The following XRN1 variants were observed in gnomAD, a reference collection of about 807,000 sequenced individuals.
XRN1 encodes the protein strand-exchange protein 1 homolog.
XRN1 carries 67 observed loss-of-function variants against 222.3 expected under a neutral mutation model. The ratio of observed to expected loss-of-function variants is 0.30; its 90% CI spans 0.25 to 0.37. The LOEUF (loss-of-function observed/expected upper bound fraction) is 0.37, where lower values mean the gene tolerates loss of function less well. Among genes scored for constraint, XRN1 ranks in the 10% least tolerant of loss-of-function variants. XRN1 has a pLI of 1.00. For synonymous variants in XRN1, 643 were observed against 652.4 expected, an observed-to-expected ratio of 0.99 and a Z score of 0.22; for missense variants, 1,707 against 2,000.2, an observed-to-expected ratio of 0.85 and a Z score of 2.80.
intron 25 of XRN1, among the ~76,000 whole-genome samples, chr3:142,374,842 G>A (rs2067092713): frequency 6.6e-6 from 1 of 152,144 alleles, no homozygotes; most frequent in African/African-American, 2.4e-5. Flanking sequence ...TTGGAAATAG[G>A]GTTTTTAGTA....
intron 2 of XRN1, among the ~76,000 whole-genome samples, chr3:142,427,624 TA>T (rs1300408321): frequency 6.6e-6 from 1 of 152,192 alleles, no homozygotes; most frequent in Non-Finnish European, 1.5e-5. Flanking sequence ...TTGTGTTTCC[TA>T]AAAACATTTA....
At chr3:142,337,638 T>C (rs1049747906) in intron 33 of XRN1, among the ~76,000 whole-genome samples, 2 of 152,100 alleles carry the variant, frequency 1.3e-5, no homozygotes, top group African/African-American at 4.8e-5. Flanking sequence ...CTGAAGAAAT[T>C]TAAAGAGTAT....
intron 1 of XRN1, among the ~76,000 whole-genome samples, chr3:142,443,582 C>G (rs1431487178): frequency 2.0e-5 from 3 of 152,214 alleles, no homozygotes; most frequent in East Asian, 3.9e-4. Flanking sequence ...ACAGCAACCC[C>G]CTTCGGGTCC....
At chr3:142,376,180 AT>A (rs2067138679) in intron 24 of XRN1, 3 of 716,792 alleles carry the variant, frequency 4.2e-6, no homozygotes, top group Middle Eastern at 4.2e-4. Context: ...AAATTATGTA[AT>A]TATAGAGGAA....
At position 142,425,122 on chromosome 3, in the gene XRN1, A is replaced by G. The variant is rs1577416812; in HGVS notation, c.627+100T>C. On this transcript the variant is annotated intron_variant, in intron 5 of 40. Coordinates refer to ENST00000392981, the MANE Select transcript of XRN1 (RefSeq NM_001282857.2). ...AGTAGCAATCATTATTGTGTCTCCA[A>G]TATTTGTTGCCACAGCCAGTAAGCT... 14 of 783,010 alleles carry G rather than the reference A, an allele frequency of 1.8e-5. No individual in the cohort carries two copies. In the East Asian group the frequency reaches 3.5e-4, roughly 20 times the overall value. 48.5% of individuals were successfully genotyped at this position (783,010 alleles called of 1,614,324 possible).
chr3:142,443,427 T>G (rs989449168), intron 1 of XRN1, among the ~76,000 whole-genome samples: 1 of 148,930 alleles, frequency 6.7e-6, no homozygotes. Flanking sequence ...GGCTTGCAAC[T>G]TAGCTCACAC....
At chr3:142,329,147 C>T (rs2065617427) in intron 37 of XRN1, among the ~76,000 whole-genome samples, 1 of 151,964 alleles carries the variant, frequency 6.6e-6, no homozygotes, top group Admixed American at 6.6e-5. Context: ...TGTGAAGTTT[C>T]TGAGACCAAA....
intron 16 of XRN1, among the ~76,000 whole-genome samples, chr3:142,404,264 AAC>A (rs1397268722): frequency 6.6e-6 from 1 of 152,152 alleles, no homozygotes; most frequent in African/African-American, 2.4e-5. Context: ...TATGACACAT[AAC>A]ACAAATCTCT....
intron 39 of XRN1, 115 bp from the exon 40 acceptor site, chr3:142,312,873 G>T: frequency 9.1e-7 from 1 of 1,097,426 alleles, no homozygotes; most frequent in Non-Finnish European, 1.3e-6. Context: ...TTTGGCAAAA[G>T]GCCTACACTT....
Position 142,365,136 on chromosome 3 carries a change from T to C in XRN1, c.3305A>G (p.Glu1102Gly), listed in dbSNP as rs746872760. ...TACAACACGGTCAAAAAGACAAAAT[T>C]CTGCATCCCGATCAGGAATGACTCC... is the stretch of plus-strand genomic sequence containing the variant. ...QHGVIPDRDAEFCLFDRVVNV... is the reference protein window; with the variant it reads ...QHGVIPDRDAGFCLFDRVVNV... The change falls in exon 29 of 41, where the codon GAA becomes GGA. Residue 1102 changes from glutamate to glycine, a missense_variant. Physicochemically the swap from Glu to Gly is moderately conservative, Grantham distance 98. This residue lies in a region of XRN1 where 1,234 missense variants were observed against 1,518.2 expected (regional missense o/e 0.81). Coordinates refer to ENST00000392981, the MANE Select transcript of XRN1 (RefSeq NM_001282857.2). The C allele has an allele frequency of 2.7e-5, 43 of 1,613,244 alleles. No individual in the cohort carries two copies. The Middle Eastern group carries it at 4.9e-4, about 19-fold the overall frequency.
intron 19 of XRN1, among the ~76,000 whole-genome samples, chr3:142,399,945 GAAAT>G (rs1346051571): frequency 1.3e-5 from 2 of 151,554 alleles, no homozygotes; most frequent in Non-Finnish European, 2.9e-5. Flanking sequence ...AAATTTATAT[GAAAT>G]AATAAAAAAA....
chr3:142,317,026 G>T (rs2065229931), intron 39 of XRN1, among the ~76,000 whole-genome samples: 1 of 152,148 alleles, frequency 6.6e-6, no homozygotes, highest in African/African-American at 2.4e-5. Flanking sequence ...CTGCCTCAGG[G>T]TTTTGAGGTA....
chr3:142,318,116 A>C (rs192267595), intron 39 of XRN1, among the ~76,000 whole-genome samples: 182 of 152,308 alleles, frequency 1.2e-3, no homozygotes, highest in African/African-American at 4.2e-3. Flanking sequence ...GATTTTCTAA[A>C]CTTAAATAAA....
At chr3:142,437,529 G>C (rs2069968822) in intron 1 of XRN1, among the ~76,000 whole-genome samples, 1 of 152,152 alleles carries the variant, frequency 6.6e-6, no homozygotes, top group South Asian at 2.1e-4. Context: ...TGCATGATTT[G>C]GCTGCTATTT....
intron 1 of XRN1, among the ~76,000 whole-genome samples, chr3:142,442,984 C>T (rs929940628): frequency 1.3e-5 from 2 of 152,158 alleles, no homozygotes; most frequent in East Asian, 1.9e-4. Context: ...CCACCCGCCT[C>T]GGCCTCCCAA....
In XRN1 at chr3:142,376,649, G is replaced by A. The variant is rs182712176; in HGVS notation, c.2716-55C>T. On this transcript the variant is annotated intron_variant, in intron 23 of 40. Coordinates refer to ENST00000392981, the MANE Select transcript of XRN1 (RefSeq NM_001282857.2). ...ATGGAAACACAAGTTTACATTAAAT[G>A]TTATTTCTTTACCTTTAAAATCTGG... is the stretch of plus-strand genomic sequence containing the variant. The A allele has an allele frequency of 2.4e-3, 3,046 of 1,267,722 alleles. 9 individuals carry two copies. The highest frequency in any genetic ancestry group is 2.9e-3 in the Non-Finnish European group (2,605 of 891,908). 78.5% of individuals were successfully genotyped at this position (1,267,722 alleles called of 1,614,324 possible).
At chr3:142,368,036 CAT>C (rs1486630206) in intron 27 of XRN1, among the ~76,000 whole-genome samples, 3 of 149,740 alleles carry the variant, frequency 2.0e-5, no homozygotes, top group Admixed American at 6.7e-5. Flanking sequence ...TATGTATGAT[CAT>C]ATATATGATT....
chr3:142,324,942 A>C (rs2065476609), intron 37 of XRN1, among the ~76,000 whole-genome samples: 1 of 152,172 alleles, frequency 6.6e-6, no homozygotes, highest in Non-Finnish European at 1.5e-5. Context: ...ATACACACAC[A>C]TCTTCTTCAT....
At chr3:142,432,991 G>C in intron 1 of XRN1, 98 bp from the exon 2 acceptor site, 1 of 914,884 alleles carries the variant, frequency 1.1e-6, no homozygotes, top group Non-Finnish European at 1.6e-6. Context: ...TGAAAAGCAG[G>C]ATTTGTGTAT....
Sources: gnomAD v4.1 joint callset for allele counts (sites outside exome capture counted in the v4.1 genomes callset) on GRCh38, gnomAD v4.1.1 for gene constraint, gnomAD v4.1.1 regional missense constraint, MANE v1.5 for transcripts, NCBI Gene and HGNC (gene_info 2026-07-23, HGNC 2026-07-21) for gene names.